PRDM11: variants seen among roughly 807,000 people sequenced by gnomAD.
PRDM11 encodes the protein PR/SET domain 11.
Under a neutral mutation model 97.8 loss-of-function variants are expected in PRDM11, and 20 were observed. The observed-to-expected ratio is 0.20, with a 90% CI of 0.14 to 0.30. The LOEUF (loss-of-function observed/expected upper bound fraction) is 0.30, where lower values mean the gene tolerates loss of function less well. Among genes scored for constraint, PRDM11 ranks in the 10% least tolerant of loss-of-function variants. The probability of loss-of-function intolerance (pLI) is 1.00; values close to 1 mark genes in which losing one functional copy is unlikely to be tolerated. For missense variants in PRDM11, 1,139 were observed against 1,555.2 expected (o/e 0.73, Z 4.50); for synonymous variants, 599 against 637.7 (o/e 0.94, Z 0.91).
At chr11:45,152,973 G>T (rs1400883945) in intron 1 of PRDM11, among the ~76,000 whole-genome samples, 1 of 152,222 alleles carries the variant, frequency 6.6e-6, no homozygotes, top group Non-Finnish European at 1.5e-5. Flanking sequence ...CCGAAAAACA[G>T]CAGTGGCTTG....
At chr11:45,100,834 C>CTTG (rs1851960625) in intron 1 of PRDM11, among the ~76,000 whole-genome samples, 2 of 152,206 alleles carry the variant, frequency 1.3e-5, no homozygotes, top group South Asian at 4.1e-4. Flanking sequence ...TGGATGTGCA[C>CTTG]AATAACCAGC....
At chr11:45,225,104 G>C (rs1412303640) in intron 7 of PRDM11, 4 of 1,430,280 alleles carry the variant, frequency 2.8e-6, no homozygotes, top group Non-Finnish European at 3.6e-6. Flanking sequence ...GGTGTGTGCT[G>C]TGTTCTTGAC....
At chr11:45,154,959 C>G (rs1013550752) in intron 1 of PRDM11, among the ~76,000 whole-genome samples, 1 of 152,176 alleles carries the variant, frequency 6.6e-6, no homozygotes, top group Non-Finnish European at 1.5e-5. Flanking sequence ...GCCTCTGTAC[C>G]CTGCTTCCCA....
chr11:45,193,995 G>T (rs1853009189), intron 4 of PRDM11, among the ~76,000 whole-genome samples: 1 of 152,220 alleles, frequency 6.6e-6, no homozygotes, highest in Non-Finnish European at 1.5e-5. Flanking sequence ...TTGAGGCTTT[G>T]CTCATATCAT....
intron 4 of PRDM11, among the ~76,000 whole-genome samples, chr11:45,199,679 G>T (rs532543332): frequency 6.6e-6 from 1 of 152,284 alleles, no homozygotes; most frequent in Non-Finnish European, 1.5e-5. Flanking sequence ...TCTTCTGGGG[G>T]GCTTGTCCTG....
At chr11:45,192,025 G>A (rs1489884156) in intron 4 of PRDM11, among the ~76,000 whole-genome samples, 9 of 150,218 alleles carry the variant, frequency 6.0e-5, no homozygotes, top group Non-Finnish European at 1.0e-4. Flanking sequence ...ACAGGCCGCC[G>A]TGTGTGACTT....
At chr11:45,109,946 G>A (rs1415181701) in intron 1 of PRDM11, among the ~76,000 whole-genome samples, 1 of 152,122 alleles carries the variant, frequency 6.6e-6, no homozygotes, top group South Asian at 2.1e-4. Context: ...TTCAAAGCTG[G>A]AGGCACTGCA....
At chr11:45,186,552 G>A (rs1230262826) in intron 4 of PRDM11, among the ~76,000 whole-genome samples, 1 of 152,100 alleles carries the variant, frequency 6.6e-6, no homozygotes, top group Non-Finnish European at 1.5e-5. Context: ...GAGAGGAGTT[G>A]AGGAGGCATG....
At chr11:45,211,065 G>A (rs1476648168) in intron 5 of PRDM11, among the ~76,000 whole-genome samples, 1 of 152,188 alleles carries the variant, frequency 6.6e-6, no homozygotes, top group African/African-American at 2.4e-5. Context: ...TCCTTTTCCT[G>A]GCAGTGGCCA....
At position 45,194,413 on chromosome 11, in the gene PRDM11, C is replaced by T. The variant is rs141389640; in HGVS notation, c.487-10298C>T. Among the ~76,000 whole-genome samples the T allele has an allele frequency of 6.8e-3, 1,037 of 152,144 alleles. 13 individuals are homozygous for T. The highest frequency in any genetic ancestry group is 0.023 in the African/African-American group (963 of 41,488). On this transcript the variant is annotated intron_variant, in intron 4 of 7. Transcript: ENST00000683152. ...TTCCCCAAGGAGAGCTCTTGTTGAACTAGGCTCTCTGAACCTAATTCAGCA... is the reference window on the plus strand; with the variant it reads ...TTCCCCAAGGAGAGCTCTTGTTGAATTAGGCTCTCTGAACCTAATTCAGCA...
intron 4 of PRDM11, among the ~76,000 whole-genome samples, chr11:45,193,102 G>A (rs1185937807): frequency 6.6e-6 from 1 of 152,142 alleles, no homozygotes; most frequent in Non-Finnish European, 1.5e-5. Flanking sequence ...TTTAGAAATG[G>A]GAACTTACTC....
chr11:45,111,012 G>A (rs1392725952), intron 1 of PRDM11, among the ~76,000 whole-genome samples: 2 of 151,080 alleles, frequency 1.3e-5, no homozygotes, highest in Non-Finnish European at 2.9e-5. Flanking sequence ...ATGGTTCCCC[G>A]AGACTTACCA....
chr11:45,113,465 T>C (rs979609515), intron 1 of PRDM11, among the ~76,000 whole-genome samples: 4 of 152,156 alleles, frequency 2.6e-5, no homozygotes, highest in African/African-American at 9.7e-5. Flanking sequence ...TTTAGGATTG[T>C]TTTTTCTAGT....
chr11:45,154,043 G>A (rs1009205529), intron 1 of PRDM11, among the ~76,000 whole-genome samples: 16 of 152,310 alleles, frequency 1.1e-4, no homozygotes, highest in African/African-American at 3.6e-4. Flanking sequence ...TTCCCAGAAG[G>A]TTTCTTGGGT....
intron 1 of PRDM11, among the ~76,000 whole-genome samples, chr11:45,158,243 C>T (rs941858659): frequency 5.9e-5 from 9 of 152,326 alleles, no homozygotes; most frequent in African/African-American, 2.2e-4. Flanking sequence ...CAAGGTGTGC[C>T]TGGGCCTGCA....
intron 1 of PRDM11, among the ~76,000 whole-genome samples, chr11:45,161,245 G>A (rs1039407407): frequency 6.6e-6 from 1 of 152,148 alleles, no homozygotes; most frequent in African/African-American, 2.4e-5. Context: ...ACTTTCCCAG[G>A]GTGTCTTCTC....
At chr11:45,148,329 A>G (rs1365352421) in intron 1 of PRDM11, among the ~76,000 whole-genome samples, 1 of 152,154 alleles carries the variant, frequency 6.6e-6, no homozygotes, top group African/African-American at 2.4e-5. Context: ...CCTGAGTCCA[A>G]CAAAACCTGC....
chr11:45,180,565 C>T (rs1023148399), intron 1 of PRDM11, among the ~76,000 whole-genome samples: 2 of 151,568 alleles, frequency 1.3e-5, no homozygotes, highest in African/African-American at 2.4e-5. Flanking sequence ...CGGGCGCCCG[C>T]TTCCTCCCGC....
intron 1 of PRDM11, among the ~76,000 whole-genome samples, chr11:45,134,632 G>A (rs1852793195): frequency 1.4e-5 from 2 of 138,210 alleles, no homozygotes; most frequent in East Asian, 2.2e-4. Context: ...CTGGGAGGTC[G>A]AGGCTGCAGT....
Sources: allele counts gnomAD v4.1 joint callset (sites outside exome capture counted in the v4.1 genomes callset), GRCh38; gene constraint gnomAD v4.1.1; transcripts MANE v1.5; gene names NCBI Gene and HGNC (gene_info 2026-07-23, HGNC 2026-07-21).